GPR155: variants seen among roughly 807,000 people sequenced by gnomAD.
The protein encoded by GPR155 is lysosomal cholesterol signaling protein.
GPR155 carries 65 observed loss-of-function variants against 93.1 expected under a neutral mutation model. The observed-to-expected ratio is 0.70, with a 90% CI of 0.57 to 0.86. The LOEUF (loss-of-function observed/expected upper bound fraction) is 0.86, where lower values mean the gene tolerates loss of function less well. GPR155 is among the 40% of genes least tolerant of loss of function. The probability of loss-of-function intolerance (pLI) is 0.00; values close to 1 mark genes in which losing one functional copy is unlikely to be tolerated. For synonymous variants in GPR155, 319 were observed against 360.1 expected, an observed-to-expected ratio of 0.89 and a Z score of 1.29; for missense variants, 838 against 1,034.8, an observed-to-expected ratio of 0.81 and a Z score of 2.61.
intron 5 of GPR155, 66 bp from the exon 6 acceptor site, chr2:174,466,693 A>G (rs1476956712): frequency 3.7e-6 from 3 of 816,862 alleles, no homozygotes; most frequent in East Asian, 5.0e-5. Context: ...ATTAAATAAC[A>G]CAATGATTAG....
intron 14 of GPR155, among the ~76,000 whole-genome samples, chr2:174,441,721 CTTTGTGTGTG>C (rs1686966096): frequency 1.7e-5 from 1 of 60,040 alleles, no homozygotes; most frequent in African/African-American, 6.5e-5. Context: ...ACATCAGTAT[CTTTGTGTGTG>C]TGTGTGTGTG....
chr2:174,460,648 C>A (rs1212628495), intron 9 of GPR155, among the ~76,000 whole-genome samples: 1 of 152,114 alleles, frequency 6.6e-6, no homozygotes, highest in Admixed American at 6.6e-5. Flanking sequence ...ACCAACACAG[C>A]CACTGGTTTC....
chr2:174,447,593 A>C (rs961547485), intron 11 of GPR155, among the ~76,000 whole-genome samples: 1 of 146,196 alleles, frequency 6.8e-6, no homozygotes, highest in Admixed American at 6.9e-5. Context: ...ATAAATAAAA[A>C]TTTTATATTT....
Position 174,481,521 on chromosome 2 carries a change from C to A in GPR155, c.436G>T (p.Asp146Tyr). The change falls in exon 2 of 16, where the codon GAC (aspartate) becomes TAC (tyrosine). Residue 146 changes from aspartate (D) to tyrosine (Y), a missense_variant. By Grantham distance (160) the Asp-to-Tyr change is radical. Coordinates refer to ENST00000392552, the MANE Select transcript of GPR155 (RefSeq NM_152529.7). ...LFPIFATQSN[D>Y]FALGYPIVEA... ...CCTATAGGGTATCCCAATGCAAAGT[C>A]ATTACTTTGTGTAGCAAAAATAGGG... 1 of 1,605,318 alleles carries A rather than the reference C, an allele frequency of 6.2e-7. No homozygotes were observed. Among genetic ancestry groups the A allele is most frequent in the South Asian group, 1.1e-5 (1 of 90,400 alleles).
At chr2:174,485,884 A>C (rs2105747557) in intron 1 of GPR155, among the ~76,000 whole-genome samples, 1 of 152,358 alleles carries the variant, frequency 6.6e-6, no homozygotes, top group Admixed American at 6.5e-5. Context: ...TTCACAGTAA[A>C]AGACCACTCG....
At position 174,473,203 on chromosome 2, in the gene GPR155, C is replaced by G. The variant is rs937807107; in HGVS notation, c.622G>C (p.Gly208Arg). Residue 208 changes from glycine (G) to arginine (R), a missense_variant, in exon 3 of 16, where the codon GGA becomes CGA. Transcript: ENST00000392552. ...NASQNKIKIV[G>R]LGLLRVLQNP... ...TGTAATACACGCAGGAGTCCGAGTC[C>G]CACAATTTTTATTTTATTTTGAGAA... 1 of 1,613,332 alleles carries G rather than the reference C, an allele frequency of 6.2e-7. No individual in the cohort carries two copies. The highest frequency in any genetic ancestry group is 8.5e-7 in the Non-Finnish European group (1 of 1,179,688).
rs1454644189 is a variant in GPR155 at position 174,443,535 on chromosome 2, C to A, written c.2110-1352G>T. On this transcript the variant is annotated intron_variant, in intron 13 of 15. Transcript: ENST00000392552. The stretch of plus-strand genomic sequence containing the variant: ...CTTGAGGTCAGGAGTTCAAGACCAG[C>A]CTGGCCAACATGGTGAAACCTCATC... Among the ~76,000 whole-genome samples, 4 of 152,190 alleles carry A rather than the reference C, an allele frequency of 2.6e-5. No homozygotes were observed. In the Middle Eastern group the frequency reaches 0.014, roughly 518 times the overall value.
At position 174,433,276 on chromosome 2, in the gene GPR155, A is replaced by C. The variant is rs1480421860; in HGVS notation, c.*2840T>G. On this transcript the variant is annotated 3_prime_UTR_variant, in exon 16 of 16. Transcript: ENST00000392552. Reference sequence around the variant, plus strand: ...TAAATAGATCTCTTTAATTTACTGAAGATAAAGTTTACCTGAAGATGCTAT... The same window carrying C: ...TAAATAGATCTCTTTAATTTACTGACGATAAAGTTTACCTGAAGATGCTAT... 1 of 152,196 alleles carries C rather than the reference A, an allele frequency of 6.6e-6. No homozygotes were observed. The highest frequency in any genetic ancestry group is 2.4e-5 in the African/African-American group (1 of 41,454). The allele number at this position is 152,196 out of a possible 1,614,324, so 9.4% of individuals were successfully genotyped here.
Position 174,436,082 on chromosome 2 carries a change from AT to A in GPR155, c.*33del, listed in dbSNP as rs1455128160. On this transcript the variant is annotated 3_prime_UTR_variant, in exon 16 of 16. Coordinates refer to ENST00000392552, the MANE Select transcript of GPR155 (RefSeq NM_152529.7). The stretch of plus-strand genomic sequence containing the variant: ...AAAAACTAATGAATACGCGGCTAGA[AT>A]ATGATTCCATGTAGGGTTCTCCCCT... 7 of 1,565,958 alleles carry A rather than the reference AT, an allele frequency of 4.5e-6. No homozygotes were observed. Among genetic ancestry groups the A allele is most frequent in the Non-Finnish European group, 6.1e-6 (7 of 1,142,266 alleles).
At chr2:174,447,332 A>T (rs1232403697) in intron 11 of GPR155, among the ~76,000 whole-genome samples, 1 of 147,960 alleles carries the variant, frequency 6.8e-6, no homozygotes, top group Non-Finnish European at 1.5e-5. Context: ...AAATTAAAAA[A>T]AATAATAAAA....
intron 13 of GPR155, among the ~76,000 whole-genome samples, chr2:174,442,693 G>A (rs1208204174): frequency 7.1e-6 from 1 of 140,592 alleles, no homozygotes; most frequent in Non-Finnish European, 1.7e-5. Flanking sequence ...ATCAGCCACA[G>A]GTTAGGACAA....
At position 174,481,476 on chromosome 2, in the gene GPR155, GA is replaced by G. The variant is rs773234670; in HGVS notation, c.460+20del. On this transcript the variant is annotated intron_variant, in intron 2 of 15. Transcript: ENST00000392552. ...TTAAAATTGAATTTTTTAAACACTT[GA>G]AAAATAAAAATTAACTTACCTATAG... 7.1e-7 allele frequency: 1 copy of G among 1,399,696 alleles called. No individual in the cohort carries two copies. The highest frequency in any genetic ancestry group is 2.3e-5 in the East Asian group (1 of 43,424). The allele number at this position is 1,399,696 out of a possible 1,614,324, so 86.7% of individuals were successfully genotyped here.
intron 2 of GPR155, among the ~76,000 whole-genome samples, chr2:174,480,176 TATC>T (rs1410498002): frequency 2.6e-5 from 4 of 152,208 alleles, no homozygotes; most frequent in Non-Finnish European, 5.9e-5. Context: ...TCAGAAGACA[TATC>T]ATCAGAGAGG....
In GPR155 at chr2:174,479,503, T is replaced by C. The variant is rs61160983; in HGVS notation, c.460+1994A>G. On this transcript the variant is annotated intron_variant, in intron 2 of 15. Coordinates refer to ENST00000392552, the MANE Select transcript of GPR155 (RefSeq NM_152529.7). ...CTGGGATAAAATAATTAAATCTCTG[T>C]AAGCCAGTTTCCTTATTTGAAAATG... Among the ~76,000 whole-genome samples, 349 of 152,320 alleles carry C rather than the reference T, an allele frequency of 2.3e-3. 10 individuals carry two copies. In the East Asian group the frequency reaches 0.056, roughly 24 times the overall value.
At chr2:174,457,185 AC>A (rs1687543924) in intron 10 of GPR155, among the ~76,000 whole-genome samples, 1 of 152,068 alleles carries the variant, frequency 6.6e-6, no homozygotes, top group Non-Finnish European at 1.5e-5. Flanking sequence ...GGTGGCACAC[AC>A]CTGTAGACCC....
intron 10 of GPR155, among the ~76,000 whole-genome samples, chr2:174,457,847 C>A (rs1443162795): frequency 6.6e-6 from 1 of 152,052 alleles, no homozygotes; most frequent in Non-Finnish European, 1.5e-5. Flanking sequence ...ACCTCCTGGG[C>A]TCAAGCAATC....
chr2:174,467,169 A>G (rs1054501160), intron 5 of GPR155, among the ~76,000 whole-genome samples: 1 of 151,540 alleles, frequency 6.6e-6, no homozygotes, highest in African/African-American at 2.4e-5. Context: ...AAAACAAAAC[A>G]AAACAAAACA....
At position 174,435,418 on chromosome 2, in the gene GPR155, A is replaced by T. The variant is rs1388602395; in HGVS notation, c.*698T>A. On this transcript the variant is annotated 3_prime_UTR_variant, in exon 16 of 16. Transcript: ENST00000392552. The stretch of plus-strand genomic sequence containing the variant: ...TCTAAAGATGATTAAACTATATGGG[A>T]GAATGTGCATAGGTTATATGCAAAT... 1 of 152,110 alleles carries T rather than the reference A, an allele frequency of 6.6e-6. No homozygotes were observed. Among genetic ancestry groups the T allele is most frequent in the Non-Finnish European group, 1.5e-5 (1 of 68,004 alleles). The allele number at this position is 152,110 out of a possible 1,614,324, so 9.4% of individuals were successfully genotyped here. A position where few individuals can be genotyped will look rare whatever the true frequency, so the allele number is the denominator to read the frequency against.
At position 174,473,001 on chromosome 2, in the gene GPR155, G is replaced by A; in HGVS notation, c.824C>T (p.Ala275Val). 1 of 1,592,880 alleles carries A rather than the reference G, an allele frequency of 6.3e-7. No individual in the cohort carries two copies. The highest frequency in any genetic ancestry group is 8.5e-7 in the Non-Finnish European group (1 of 1,174,980). The change falls in exon 3 of 16, where the codon GCA becomes GTA. Residue 275 changes from alanine to valine, a missense_variant. Around this residue, in one of 3 missense-constraint regions of GPR155, gnomAD observed 663 missense variants for 790.1 expected, o/e 0.84. Transcript: ENST00000392552. Reference protein sequence around the residue: ...VGKIKRLKKSAFVVLILLITA... With the variant: ...VGKIKRLKKSVFVVLILLITA... ...GATGAGAAGAATTAGTACTACAAAT[G>A]CCGACTTCTTCAGTCTCTTTATTTT...
Sources: gnomAD v4.1 joint callset for allele counts (sites outside exome capture counted in the v4.1 genomes callset) on GRCh38, gnomAD v4.1.1 for gene constraint, gnomAD v4.1.1 regional missense constraint, MANE v1.5 for transcripts, NCBI Gene and HGNC (gene_info 2026-07-23, HGNC 2026-07-21) for gene names.